The following KIF26B variants were observed in gnomAD, a reference collection of about 807,000 sequenced individuals.
The protein encoded by KIF26B is kinesin family member 26B.
In KIF26B, 63 loss-of-function variants were observed where a neutral mutation model predicts 151.2. The observed-to-expected ratio is 0.42, with a 90% CI of 0.34 to 0.51. The LOEUF is 0.51. KIF26B is among the 20% of genes least tolerant of loss of function. The pLI, the probability that KIF26B is intolerant of heterozygous loss-of-function variation, is 0.07. For missense variants in KIF26B, 2,813 were observed against 2,913.6 expected (o/e 0.97, Z 0.79); for synonymous variants, 1,357 against 1,262.1 (o/e 1.08, Z -1.59).
intron 4 of KIF26B, among the ~76,000 whole-genome samples, chr1:245,447,340 A>G (rs780180353): frequency 7.2e-5 from 11 of 152,236 alleles, no homozygotes; most frequent in African/African-American, 2.2e-4. Flanking sequence ...TACAAAGTGC[A>G]TAGGAATATG....
intron 9 of KIF26B, among the ~76,000 whole-genome samples, chr1:245,625,037 C>T: frequency 6.6e-6 from 1 of 152,090 alleles, no homozygotes; most frequent in Middle Eastern, 3.2e-3. Context: ...TATTATTTCT[C>T]TACTAAATTA....
chr1:245,546,700 A>G (rs902716888), intron 5 of KIF26B, among the ~76,000 whole-genome samples: 4 of 152,328 alleles, frequency 2.6e-5, no homozygotes, highest in African/African-American at 9.6e-5. Context: ...CTTAAACACT[A>G]AAGTTGGGAA....
In KIF26B at chr1:245,667,633, G is replaced by A. The variant is rs368855149; in HGVS notation, c.2259-16600G>A. Among the ~76,000 whole-genome samples, 7 of 152,208 alleles carry A rather than the reference G, an allele frequency of 4.6e-5. No individual in the cohort carries two copies. Among genetic ancestry groups the A allele is most frequent in the South Asian group, 2.1e-4 (1 of 4,822 alleles). ...ACTTATAGAAAGACGACTTTATGCC[G>A]GACACTGTGTTAGGTCCTGGCTATA... is the stretch of plus-strand genomic sequence containing the variant. On this transcript the variant is annotated intron_variant, in intron 10 of 14. Transcript: ENST00000407071. This position sits in a 1 kb window ranked among gnomAD's most constrained non-coding sequence, Gnocchi z 4.3.
chr1:245,624,687 C>T lies in KIF26B; in HGVS notation c.2098+12711C>T, dbSNP rs115476258. 3.9e-3 allele frequency among the ~76,000 whole-genome samples: 599 copies of T among 152,278 alleles called. 1 individual carries two copies. The highest frequency in any genetic ancestry group is 7.1e-3 in the Non-Finnish European group (480 of 68,016). On this transcript the variant is annotated intron_variant, in intron 9 of 14. Coordinates refer to ENST00000407071, the MANE Select transcript of KIF26B (RefSeq NM_018012.4). Reference sequence around the variant, plus strand: ...GCAAATATTTTCTCTCAGTCTGTGGCTTCTCTCTTCATTCTCAACAGCATC... The same window carrying T: ...GCAAATATTTTCTCTCAGTCTGTGGTTTCTCTCTTCATTCTCAACAGCATC...
chr1:245,279,265 A>G (rs989734), intron 2 of KIF26B, among the ~76,000 whole-genome samples: 72,659 of 151,044 alleles, frequency 0.48, 17,764 homozygotes, highest in East Asian at 0.64. Context: ...ACTCATCAGC[A>G]GACAGAGTGC....
intron 9 of KIF26B, 109 bp downstream of exon 9, chr1:245,612,085 TGTGTGTGTGTGTGTGTGTGTGA>T (rs1456644974): frequency 4.2e-6 from 3 of 708,500 alleles, no homozygotes; most frequent in African/African-American, 3.7e-5. Context: ...TGTGTGTGTG[TGTGTGTGTGTGTGTGTGTGTGA>T]GAGAGAGAGA....
chr1:245,612,103 T>TGAGAGA (rs1491443460), intron 9 of KIF26B, 127 bp downstream of exon 9: 14 of 397,628 alleles, frequency 3.5e-5, no homozygotes, highest in South Asian at 2.5e-4. Context: ...TGTGTGTGTG[T>TGAGAGA]GTGAGAGAGA....
chr1:245,186,164 C>G (rs1668997425), intron 2 of KIF26B, among the ~76,000 whole-genome samples: 1 of 151,916 alleles, frequency 6.6e-6, no homozygotes, highest in Non-Finnish European at 1.5e-5. Context: ...TGGGCCACTG[C>G]GCCTGGCCCT....
intron 5 of KIF26B, among the ~76,000 whole-genome samples, chr1:245,579,153 C>T (rs967882194): frequency 4.6e-5 from 7 of 152,126 alleles, no homozygotes; most frequent in Non-Finnish European, 7.4e-5. Context: ...GGTCATAATC[C>T]AGAGGGAAAA....
intron 9 of KIF26B, among the ~76,000 whole-genome samples, chr1:245,643,296 T>C (rs978527441): frequency 1.3e-5 from 2 of 152,164 alleles, no homozygotes; most frequent in African/African-American, 4.8e-5. Flanking sequence ...CTCTCTCTCT[T>C]TTTTGCTTTC....
intron 9 of KIF26B, among the ~76,000 whole-genome samples, chr1:245,631,705 A>G (rs2043783282): frequency 1.3e-5 from 2 of 152,156 alleles, no homozygotes; most frequent in Non-Finnish European, 2.9e-5. Flanking sequence ...GAACTTTTAA[A>G]GTCCTGGGCT....
chr1:245,639,621 A>G (rs1023949815), intron 9 of KIF26B, among the ~76,000 whole-genome samples: 1 of 151,864 alleles, frequency 6.6e-6, no homozygotes, highest in Non-Finnish European at 1.5e-5. Context: ...ACTTTCCATT[A>G]GTGCTACTTT....
At chr1:245,575,305 T>C (rs935143971) in intron 5 of KIF26B, among the ~76,000 whole-genome samples, 2 of 151,858 alleles carry the variant, frequency 1.3e-5, no homozygotes, top group Admixed American at 6.6e-5. Flanking sequence ...TGAAACCTCA[T>C]CTCTACTAAA....
At chr1:245,345,183 C>T (rs1411040854) in intron 2 of KIF26B, among the ~76,000 whole-genome samples, 3 of 152,170 alleles carry the variant, frequency 2.0e-5, no homozygotes, top group Admixed American at 1.3e-4. Context: ...CGCTGGTTAC[C>T]TTGCAGGTGT....
chr1:245,476,893 C>T (rs1558181656), intron 4 of KIF26B, among the ~76,000 whole-genome samples: 1 of 151,688 alleles, frequency 6.6e-6, no homozygotes, highest in Non-Finnish European at 1.5e-5. Context: ...CATGCACCCC[C>T]ATAGTTCAAA....
At chr1:245,427,937 G>A (rs1658687700) in intron 4 of KIF26B, among the ~76,000 whole-genome samples, 1 of 152,142 alleles carries the variant, frequency 6.6e-6, no homozygotes, top group African/African-American at 2.4e-5. Flanking sequence ...CAGAACCAGG[G>A]CGCCCAATTG....
chr1:245,611,127 G>A (rs981537670), intron 8 of KIF26B, among the ~76,000 whole-genome samples: 1 of 152,178 alleles, frequency 6.6e-6, no homozygotes, highest in Middle Eastern at 3.4e-3. Flanking sequence ...GAGTATGCCG[G>A]GAGCATGGAT....
At chr1:245,347,168 T>C (rs1011915369) in intron 2 of KIF26B, among the ~76,000 whole-genome samples, 1 of 152,194 alleles carries the variant, frequency 6.6e-6, no homozygotes, top group Non-Finnish European at 1.5e-5. Context: ...AGCGTTCTCC[T>C]CTTTCTGTAT....
intron 2 of KIF26B, among the ~76,000 whole-genome samples, chr1:245,178,850 C>T (rs903192204): frequency 6.6e-6 from 1 of 152,306 alleles, no homozygotes; most frequent in Admixed American, 6.5e-5. Context: ...CAAGTGGGGC[C>T]GGCTCTACAG....
Sources: gnomAD v4.1 joint callset for allele counts (sites outside exome capture counted in the v4.1 genomes callset) on GRCh38, gnomAD v4.1.1 for gene constraint, Gnocchi (gnomAD v3.1) non-coding constraint, MANE v1.5 for transcripts, NCBI Gene and HGNC (gene_info 2026-07-23, HGNC 2026-07-21) for gene names.